Variants in SRSF4 observed in about 807,000 individuals in gnomAD.
The protein encoded by SRSF4 is serine/arginine-rich splicing factor 4.
In SRSF4, 12 loss-of-function variants were observed where a neutral mutation model predicts 48.8. The ratio of observed to expected loss-of-function variants is 0.25; its 90% CI spans 0.16 to 0.40. SRSF4 has a LOEUF of 0.40. Among genes scored for constraint, SRSF4 ranks in the 10% least tolerant of loss-of-function variants. The pLI is 1.00. For synonymous variants in SRSF4, 248 were observed against 232.5 expected (o/e 1.07, Z -0.61); for missense variants, 466 against 667.1 (o/e 0.70, Z 3.32).
chr1:29,162,368 T>G (rs763982562), intron 1 of SRSF4, among the ~76,000 whole-genome samples: 1 of 152,226 alleles, frequency 6.6e-6, no homozygotes, highest in African/African-American at 2.4e-5. Flanking sequence ...ATAGATAATA[T>G]AATGTAGCTG....
In SRSF4 at chr1:29,158,809, G is replaced by A. The variant is rs141304741; in HGVS notation, c.363+565C>T. On this transcript the variant is annotated intron_variant, in intron 3 of 5. Transcript: ENST00000373795. The stretch of plus-strand genomic sequence containing the variant: ...ATTGTGCCTCTGCACTCCAGCCTAG[G>A]CAACAGAGACTCTGTAACAAAACAA... 3.0e-4 allele frequency among the ~76,000 whole-genome samples: 45 copies of A among 152,232 alleles called. 1 individual carries two copies. In the East Asian group the frequency reaches 8.5e-3, roughly 29 times the overall value.
intron 4 of SRSF4, among the ~76,000 whole-genome samples, chr1:29,150,976 G>A (rs955937152): frequency 1.3e-5 from 2 of 152,100 alleles, no homozygotes; most frequent in African/African-American, 2.4e-5. Flanking sequence ...TCACTGTGAC[G>A]AGAGCTGTTT....
At chr1:29,174,045 G>A (rs1002353678) in intron 1 of SRSF4, among the ~76,000 whole-genome samples, 5 of 151,238 alleles carry the variant, frequency 3.3e-5, no homozygotes, top group South Asian at 4.2e-4. Context: ...AAAAATTAGC[G>A]GGGTGTGGTG....
intron 1 of SRSF4, among the ~76,000 whole-genome samples, chr1:29,173,917 G>A (rs544963070): frequency 2.2e-4 from 34 of 151,606 alleles, no homozygotes; most frequent in Middle Eastern, 3.4e-3. Context: ...TGGTGGGTGC[G>A]GTGGCTCACG....
At chr1:29,150,575 T>G (rs1191098589) in intron 4 of SRSF4, among the ~76,000 whole-genome samples, 1 of 152,136 alleles carries the variant, frequency 6.6e-6, no homozygotes, top group Non-Finnish European at 1.5e-5. Context: ...AGATTTTCAA[T>G]ATGTACAGCA....
At chr1:29,181,036 C>T (rs1182913718) in intron 1 of SRSF4, among the ~76,000 whole-genome samples, 1 of 152,204 alleles carries the variant, frequency 6.6e-6, no homozygotes, top group Non-Finnish European at 1.5e-5. Flanking sequence ...CTTTAATTTA[C>T]TCTTGCAGAG....
intron 2 of SRSF4, 74 bp from the exon 3 acceptor site, chr1:29,159,560 C>T: frequency 1.1e-6 from 1 of 938,026 alleles, no homozygotes; most frequent in South Asian, 1.5e-5. Context: ...ACACACCCCC[C>T]CTTAAATATA....
At chr1:29,153,036 T>TA (rs1434475399) in intron 4 of SRSF4, among the ~76,000 whole-genome samples, 1 of 152,258 alleles carries the variant, frequency 6.6e-6, no homozygotes, top group Non-Finnish European at 1.5e-5. Context: ...GCCAGCTCTC[T>TA]AGACTAGTTG....
intron 1 of SRSF4, among the ~76,000 whole-genome samples, chr1:29,177,294 T>C (rs1672884573): frequency 1.3e-5 from 2 of 151,836 alleles, no homozygotes; most frequent in Non-Finnish European, 2.9e-5. Flanking sequence ...TTTTTTTTTT[T>C]TTTTGAGACG....
At chr1:29,170,808 C>T (rs1672735383) in intron 1 of SRSF4, 1 of 152,120 alleles carries the variant, frequency 6.6e-6, no homozygotes, top group Non-Finnish European at 1.5e-5. Context: ...CTCTTTCAGA[C>T]TTCCTCTTCT....
chr1:29,171,838 T>C (rs1383030025), intron 1 of SRSF4: 1 of 152,168 alleles, frequency 6.6e-6, no homozygotes, highest in African/African-American at 2.4e-5. Context: ...ATTCATACAG[T>C]ACCTCAATGA....
At position 29,149,224 on chromosome 1, in the gene SRSF4, G is replaced by A. The variant is rs771769628; in HGVS notation, c.671C>T (p.Ser224Leu). The A allele has an allele frequency of 1.9e-5, 30 of 1,605,434 alleles. No individual in the cohort carries two copies. The highest frequency in any genetic ancestry group is 4.5e-5 in the East Asian group (2 of 44,882). ...GCTCTTGCTCCGGGAGCGGGAGCCC[G>A]ACCTGAGGAGACATGGGATACTGTT... is the stretch of plus-strand genomic sequence containing the variant. ...SHSKSRSRSR[S>L]GSRSRSKSRS... Residue 224 changes from serine (S) to leucine (L), a missense_variant and splice_region_variant, in exon 6 of 6, where the codon TCG becomes TTG. Transcript: ENST00000373795.
At chr1:29,181,154 G>A (rs1407448583) in intron 1 of SRSF4, among the ~76,000 whole-genome samples, 3 of 152,216 alleles carry the variant, frequency 2.0e-5, no homozygotes, top group Admixed American at 1.3e-4. Flanking sequence ...GGCTAAAAAG[G>A]GCCTCCCTCC....
At chr1:29,155,017 A>G in intron 3 of SRSF4, 107 bp from the exon 4 acceptor site, 2 of 1,024,464 alleles carry the variant, frequency 2.0e-6, no homozygotes, top group Non-Finnish European at 2.8e-6. Context: ...ATTCCGCAGA[A>G]TAAAGTTTAC....
At chr1:29,163,945 G>A (rs1385694966) in intron 1 of SRSF4, among the ~76,000 whole-genome samples, 1 of 152,146 alleles carries the variant, frequency 6.6e-6, no homozygotes, top group East Asian at 1.9e-4. Flanking sequence ...TGAAATGAGG[G>A]AAGTATACTG....
intron 1 of SRSF4, among the ~76,000 whole-genome samples, chr1:29,163,610 G>A (rs182100526): frequency 1.7e-4 from 26 of 152,246 alleles, no homozygotes; most frequent in Admixed American, 1.6e-3. Flanking sequence ...CAGAAGACTA[G>A]ATAATAAAAA....
At chr1:29,180,729 C>T (rs975531104) in intron 1 of SRSF4, among the ~76,000 whole-genome samples, 1 of 152,226 alleles carries the variant, frequency 6.6e-6, no homozygotes, top group African/African-American at 2.4e-5. Context: ...CCAGTTTTCC[C>T]CGTTGAGTAT....
At chr1:29,156,978 T>C (rs1228175430) in intron 3 of SRSF4, among the ~76,000 whole-genome samples, 2 of 152,206 alleles carry the variant, frequency 1.3e-5, no homozygotes, top group Non-Finnish European at 2.9e-5. Context: ...AGGCAGTGCG[T>C]CATACACGTA....
At chr1:29,178,353 C>CTTTTTTTT (rs3061128) in intron 1 of SRSF4, among the ~76,000 whole-genome samples, 24 of 127,880 alleles carry the variant, frequency 1.9e-4, no homozygotes, top group East Asian at 9.3e-4. Context: ...GTTTCAATTA[C>CTTTTTTTT]TTTTTTTTTT....
Sources: gnomAD v4.1 joint callset for allele counts (sites outside exome capture counted in the v4.1 genomes callset) on GRCh38, gnomAD v4.1.1 for gene constraint, MANE v1.5 for transcripts, NCBI Gene and HGNC (gene_info 2026-07-23, HGNC 2026-07-21) for gene names.